Variants in SYT1 observed in about 807,000 individuals in gnomAD.
SYT1 encodes synaptotagmin-1.
Under a neutral mutation model 44.8 loss-of-function variants are expected in SYT1, and 8 were observed. The ratio of observed to expected loss-of-function variants is 0.18; its 90% CI spans 0.10 to 0.32. The LOEUF (loss-of-function observed/expected upper bound fraction) is 0.32, where lower values mean the gene tolerates loss of function less well. Among genes scored for constraint, SYT1 ranks in the 10% least tolerant of loss-of-function variants. SYT1 has a pLI of 1.00. For missense variants in SYT1, 286 were observed against 509.3 expected, an observed-to-expected ratio of 0.56 and a Z score of 4.22; for synonymous variants, 154 against 188.8, an observed-to-expected ratio of 0.82 and a Z score of 1.51.
At chr12:78,932,366 A>G (rs544293459) in intron 1 of SYT1, among the ~76,000 whole-genome samples, 1 of 152,300 alleles carries the variant, frequency 6.6e-6, no homozygotes, top group East Asian at 1.9e-4. Flanking sequence ...TAAGTGGGAA[A>G]TATGTCACTA....
At chr12:78,898,116 G>A (rs939540547) in intron 1 of SYT1, among the ~76,000 whole-genome samples, 3 of 151,918 alleles carry the variant, frequency 2.0e-5, no homozygotes, top group East Asian at 3.9e-4. Flanking sequence ...TCAGATATTT[G>A]CCCTTGCTAC....
chr12:79,270,311 T>C (rs1387754292), intron 4 of SYT1, among the ~76,000 whole-genome samples: 1 of 152,208 alleles, frequency 6.6e-6, no homozygotes, highest in Non-Finnish European at 1.5e-5. Context: ...AAGAAACATG[T>C]AGATTATTCA....
chr12:79,076,295 T>G (rs1003522403), intron 3 of SYT1, among the ~76,000 whole-genome samples: 15 of 152,116 alleles, frequency 9.9e-5, no homozygotes, highest in Admixed American at 2.6e-4. Context: ...ATGACCTGCT[T>G]CAGGGGAGAA....
chr12:79,437,750 G>A, intron 9 of SYT1, among the ~76,000 whole-genome samples: 1 of 152,184 alleles, frequency 6.6e-6, no homozygotes, highest in East Asian at 1.9e-4. Context: ...TCCAGTGCCA[G>A]ATTCTGTGGT....
intron 4 of SYT1, among the ~76,000 whole-genome samples, chr12:79,263,888 A>G (rs1877973724): frequency 6.6e-6 from 1 of 152,226 alleles, no homozygotes; most frequent in East Asian, 1.9e-4. Context: ...ACAGCAGAAA[A>G]TAAAGCTTTC....
At chr12:78,907,213 C>A (rs1382743445) in intron 1 of SYT1, among the ~76,000 whole-genome samples, 2 of 151,924 alleles carry the variant, frequency 1.3e-5, no homozygotes, top group Non-Finnish European at 2.9e-5. Context: ...GTTCATAAAG[C>A]AAGCAAGTGG....
intron 1 of SYT1, among the ~76,000 whole-genome samples, chr12:78,928,549 C>T (rs1877434038): frequency 6.6e-6 from 1 of 152,030 alleles, no homozygotes; most frequent in African/African-American, 2.4e-5. Flanking sequence ...TTGGCATATC[C>T]AAATTCTCAC....
At chr12:79,087,671 A>T (rs1877477118) in intron 3 of SYT1, among the ~76,000 whole-genome samples, 1 of 152,110 alleles carries the variant, frequency 6.6e-6, no homozygotes, top group Non-Finnish European at 1.5e-5. Context: ...GAATGGCATT[A>T]ACTCATTCTG....
intron 3 of SYT1, among the ~76,000 whole-genome samples, chr12:79,140,245 A>G (rs1869470538): frequency 6.6e-6 from 1 of 152,240 alleles, no homozygotes; most frequent in Non-Finnish European, 1.5e-5. Context: ...CCATTATAGA[A>G]GCATTTACAA....
At chr12:79,069,473 T>C (rs1876114584) in intron 3 of SYT1, among the ~76,000 whole-genome samples, 1 of 151,964 alleles carries the variant, frequency 6.6e-6, no homozygotes. Context: ...CTATACATGT[T>C]TCTATTTTTT....
At chr12:79,129,861 G>A (rs1369869789) in intron 3 of SYT1, among the ~76,000 whole-genome samples, 1 of 152,144 alleles carries the variant, frequency 6.6e-6, no homozygotes, top group Non-Finnish European at 1.5e-5. Context: ...TCCATGGAAT[G>A]TAAAGTTGTA....
chr12:79,376,151 T>C (rs1883986869), intron 9 of SYT1, among the ~76,000 whole-genome samples: 1 of 152,102 alleles, frequency 6.6e-6, no homozygotes, highest in Non-Finnish European at 1.5e-5. Context: ...AGGAAAGGGG[T>C]CCCAATCCAG....
intron 9 of SYT1, among the ~76,000 whole-genome samples, chr12:79,409,616 C>A (rs1046524560): frequency 2.6e-5 from 4 of 152,090 alleles, no homozygotes; most frequent in East Asian, 1.9e-4. Flanking sequence ...GGGTGCATGA[C>A]AAGACCATAA....
chr12:79,133,285 G>A (rs547517462), intron 3 of SYT1, among the ~76,000 whole-genome samples: 6 of 152,212 alleles, frequency 3.9e-5, no homozygotes, highest in South Asian at 4.1e-4. Context: ...TTGGGAGGCC[G>A]AGGTGGGAGA....
In SYT1 at chr12:79,101,447, A is replaced by G. The variant is rs552304132; in HGVS notation, c.-18+54085A>G. ...TGTCAAATTCATAGAGACAGAAAGT[A>G]GAGTGCTGAAGGAAGGGAAGAATGG... On this transcript the variant is annotated intron_variant, in intron 3 of 10. Coordinates refer to ENST00000261205, the MANE Select transcript of SYT1 (RefSeq NM_005639.3). Among the ~76,000 whole-genome samples the G allele has an allele frequency of 1.8e-4, 27 of 152,318 alleles. 1 individual carries two copies. The East Asian group carries it at 5.2e-3, about 29-fold the overall frequency.
intron 8 of SYT1, among the ~76,000 whole-genome samples, chr12:79,332,724 G>T (rs1881912392): frequency 6.6e-6 from 1 of 152,160 alleles, no homozygotes; most frequent in African/African-American, 2.4e-5. Flanking sequence ...TTGTGAAGGA[G>T]GTAACTCATT....
intron 4 of SYT1, among the ~76,000 whole-genome samples, chr12:79,236,588 G>C (rs192642210): frequency 8.3e-4 from 127 of 152,260 alleles, no homozygotes; most frequent in African/African-American, 2.9e-3. Context: ...CTTCCACCAA[G>C]TGGTATTACT....
intron 4 of SYT1, among the ~76,000 whole-genome samples, chr12:79,250,202 G>A (rs138546898): frequency 6.6e-6 from 1 of 152,248 alleles, no homozygotes; most frequent in African/African-American, 2.4e-5. Flanking sequence ...GAGGATTCAG[G>A]ACAAGAGTTG....
intron 2 of SYT1, among the ~76,000 whole-genome samples, chr12:79,030,162 C>A (rs1178887315): frequency 1.3e-5 from 2 of 151,004 alleles, no homozygotes; most frequent in Non-Finnish European, 3.0e-5. Flanking sequence ...GAAACATTAC[C>A]TGATCAAATA....
Sources: allele counts gnomAD v4.1 joint callset (sites outside exome capture counted in the v4.1 genomes callset), GRCh38; gene constraint gnomAD v4.1.1; transcripts MANE v1.5; gene names NCBI Gene and HGNC (gene_info 2026-07-23, HGNC 2026-07-21).